Variants in PRR7 observed in about 807,000 individuals in gnomAD.
The protein encoded by PRR7 is proline-rich protein 7.
Under a neutral mutation model 18.5 loss-of-function variants are expected in PRR7, and 8 were observed. The ratio of observed to expected loss-of-function variants is 0.43; its 90% CI spans 0.25 to 0.78. The LOEUF is 0.78. Ranked by LOEUF, PRR7 falls within the 30% of genes least tolerant of loss-of-function variation. The pLI, the probability that PRR7 is intolerant of heterozygous loss-of-function variation, is 0.22. For missense variants in PRR7, 396 were observed against 403.1 expected (o/e 0.98, Z 0.15); for synonymous variants, 221 against 187.7 (o/e 1.18, Z -1.45).
chr5:177,454,297 G>C lies in PRR7; in HGVS notation c.-240+257G>C, dbSNP rs1465871111. 1.3e-5 allele frequency among the ~76,000 whole-genome samples: 2 copies of C among 152,220 alleles called. No individual in the cohort carries two copies. Among genetic ancestry groups the C allele is most frequent in the Non-Finnish European group, 2.9e-5 (2 of 68,028 alleles). Reference sequence around the variant, plus strand: ...TTACCAGTCGGAGCCACCCGCCTGAGCCCCCCTACGGGAGCGGCGGGAGAC... The same window carrying C: ...TTACCAGTCGGAGCCACCCGCCTGACCCCCCCTACGGGAGCGGCGGGAGAC... On this transcript the variant is annotated intron_variant, in intron 2 of 3. Coordinates refer to ENST00000323249, the MANE Select transcript of PRR7 (RefSeq NM_030567.5). This position sits in a 1 kb window ranked among gnomAD's most constrained non-coding sequence, Gnocchi z 4.7.
intron 1 of PRR7, among the ~76,000 whole-genome samples, chr5:177,448,842 A>G (rs1756042416): frequency 6.6e-6 from 1 of 152,142 alleles, no homozygotes; most frequent in Non-Finnish European, 1.5e-5. Context: ...CATGGGCTCC[A>G]TGGCCTGCTC....
At position 177,454,846 on chromosome 5, in the gene PRR7, G is replaced by A. The variant is rs1756329449; in HGVS notation, c.-222G>A. 2.5e-6 allele frequency: 1 copy of A among 402,370 alleles called. No homozygotes were observed. The highest frequency in any genetic ancestry group is 2.1e-5 in the African/African-American group (1 of 47,386). The allele number at this position is 402,370 out of a possible 1,614,324, so 24.9% of individuals were successfully genotyped here. A position where few individuals can be genotyped will look rare whatever the true frequency, so the allele number is the denominator to read the frequency against. ...CCCTACAGGTCCCGCGCGGCCCCGG[G>A]TGAGGCACGCCCGCGCGCCCGCCGG... On this transcript the variant is annotated 5_prime_UTR_variant, in exon 3 of 4. In the 5' UTR this introduces an upstream ATG that the reference lacks. Coordinates refer to ENST00000323249, the MANE Select transcript of PRR7 (RefSeq NM_030567.5). The surrounding 1 kb of genome is among the most constrained non-coding windows in gnomAD (Gnocchi z 4.7).
In PRR7 at chr5:177,455,809, G is replaced by A. The variant is rs1287470564; in HGVS notation, c.513G>A (p.Thr171=). 3 of 1,611,820 alleles carry A rather than the reference G, an allele frequency of 1.9e-6. No individual in the cohort carries two copies. Among genetic ancestry groups the A allele is most frequent in the African/African-American group, 2.7e-5 (2 of 74,882 alleles). ...CGCCGCCCTATAGCGAGGTGCTCAC[G>A]GACACGCGCGGCCTCTACCGCAAGA... ...EPPPPYSEVL[T]DTRGLYRKIV... Residue 171 remains threonine (T), a synonymous_variant, in exon 4 of 4, where the codon ACG becomes ACA. Coordinates refer to ENST00000323249, the MANE Select transcript of PRR7 (RefSeq NM_030567.5). The surrounding 1 kb of genome is among the most constrained non-coding windows in gnomAD (Gnocchi z 6.9).
chr5:177,446,405 C>A (rs1755879886), upstream of PRR7: 1 of 152,504 alleles, frequency 6.6e-6, no homozygotes, highest in Non-Finnish European at 1.5e-5. The surrounding 1 kb of genome is among the most constrained non-coding windows in gnomAD (Gnocchi z 5.3). Flanking sequence ...TGCTCGGGGG[C>A]CCCTGCCCAC....
In PRR7 at chr5:177,455,950, C is replaced by A. The variant is rs771342319; in HGVS notation, c.654C>A (p.Ser218Arg). The A allele has an allele frequency of 6.9e-6, 11 of 1,596,622 alleles. No individual in the cohort carries two copies. The highest frequency in any genetic ancestry group is 5.4e-5 in the African/African-American group (4 of 74,540). The change falls in exon 4 of 4, where the codon AGC becomes AGA. Residue 218 changes from serine (S) to arginine (R), a missense_variant. Coordinates refer to ENST00000323249, the MANE Select transcript of PRR7 (RefSeq NM_030567.5). The surrounding 1 kb of genome is among the most constrained non-coding windows in gnomAD (Gnocchi z 6.9). ...ACACCTCGGCGCTGCACCTGCCCAG[C>A]GCCCCTCGGCCCGCGCCGCCCTGCC... ...RGYTSALHLP[S>R]APRPAPPCPA...
chr5:177,453,481 G>A (rs960418896), intron 1 of PRR7, among the ~76,000 whole-genome samples: 1 of 152,242 alleles, frequency 6.6e-6, no homozygotes, highest in African/African-American at 2.4e-5. Flanking sequence ...GGACTGGCAA[G>A]GGCACCAAGT....
chr5:177,449,145 GT>G lies in PRR7; in HGVS notation c.-325+2190del, dbSNP rs754209438. On this transcript the variant is annotated intron_variant, in intron 1 of 3. Coordinates refer to ENST00000323249, the MANE Select transcript of PRR7 (RefSeq NM_030567.5). The surrounding 1 kb of genome is among the most constrained non-coding windows in gnomAD (Gnocchi z 4.2). ...TTAAATGTTGGCAATTAATCAGAAT[GT>G]TTTTAAAAATGGATTGTGAACATGG... 5.6e-4 allele frequency among the ~76,000 whole-genome samples: 86 copies of G among 152,334 alleles called. No homozygotes were observed. The highest frequency in any genetic ancestry group is 9.4e-4 in the Non-Finnish European group (64 of 68,018).
chr5:177,453,160 C>G (rs1756237286), intron 1 of PRR7, among the ~76,000 whole-genome samples: 1 of 152,226 alleles, frequency 6.6e-6, no homozygotes, highest in Non-Finnish European at 1.5e-5. Flanking sequence ...AGAGAGGATT[C>G]TGCGTGGTCC....
intron 1 of PRR7, 46 bp downstream of exon 1, chr5:177,447,006 C>G (rs2127385534): frequency 6.6e-6 from 1 of 152,062 alleles, no homozygotes; most frequent in South Asian, 2.1e-4. Context: ...GGAGCGCGGG[C>G]GGAAGATGGT....
Position 177,454,948 on chromosome 5 carries a change from C to A in PRR7, c.-120C>A. 1 of 1,293,124 alleles carries A rather than the reference C, an allele frequency of 7.7e-7. No individual in the cohort carries two copies. Among genetic ancestry groups the A allele is most frequent in the Non-Finnish European group, 9.8e-7 (1 of 1,016,784 alleles). 80.1% of individuals were successfully genotyped at this position (1,293,124 alleles called of 1,614,324 possible). On this transcript the variant is annotated 5_prime_UTR_variant, in exon 3 of 4. Coordinates refer to ENST00000323249, the MANE Select transcript of PRR7 (RefSeq NM_030567.5). The surrounding 1 kb of genome is among the most constrained non-coding windows in gnomAD (Gnocchi z 4.7). ...ACTTGAGACCTGCCACGGGCAGCCC[C>A]CGGCCGCGGGTCCCCGAGTGACGCT...
At chr5:177,453,441 T>A (rs1304181049) in intron 1 of PRR7, among the ~76,000 whole-genome samples, 2 of 152,186 alleles carry the variant, frequency 1.3e-5, no homozygotes, top group African/African-American at 4.8e-5. Flanking sequence ...CCTGCCATTG[T>A]CTGTTCTGGA....
At position 177,455,650 on chromosome 5, in the gene PRR7, GC is replaced by G. The variant is rs1756390137; in HGVS notation, c.428-70del. ...TCGGGCTAGGGCTGGGGCGCGGGCGGCCCCTGGCCGGGGCCTCTGCGAGAGG... is the reference window on the plus strand; with the variant it reads ...TCGGGCTAGGGCTGGGGCGCGGGCGGCCCTGGCCGGGGCCTCTGCGAGAGG... On this transcript the variant is annotated intron_variant, in intron 3 of 3. Transcript: ENST00000323249. The surrounding 1 kb of genome is among the most constrained non-coding windows in gnomAD (Gnocchi z 6.9). 1.5e-5 allele frequency: 21 copies of G among 1,431,918 alleles called. No homozygotes were observed. Among genetic ancestry groups the G allele is most frequent in the Non-Finnish European group, 1.8e-5 (20 of 1,089,300 alleles). 88.7% of individuals were successfully genotyped at this position (1,431,918 alleles called of 1,614,324 possible). A position where few individuals can be genotyped will look rare whatever the true frequency, so the allele number is the denominator to read the frequency against.
rs1013014651 is a variant in PRR7 at position 177,456,236 on chromosome 5, CGTTT to C, written c.*119_*122del. On this transcript the variant is annotated 3_prime_UTR_variant, in exon 4 of 4. Transcript: ENST00000323249. ...GGGGGGAGGGAGGGATTTCTTATCC[CGTTT>C]GTTACATTTTGAGGATAATAAAGGT... 2.5e-6 allele frequency: 3 copies of C among 1,211,768 alleles called. No individual in the cohort carries two copies. The highest frequency in any genetic ancestry group is 3.2e-5 in the African/African-American group (2 of 62,132). The allele number at this position is 1,211,768 out of a possible 1,614,324, so 75.1% of individuals were successfully genotyped here.
rs1756099933 is a variant in PRR7, at chr5:177,449,811, C to T, written c.-325+2851C>T. Among the ~76,000 whole-genome samples, 1 of 152,092 alleles carries T rather than the reference C, an allele frequency of 6.6e-6. No homozygotes were observed. Among genetic ancestry groups the T allele is most frequent in the Non-Finnish European group, 1.5e-5 (1 of 67,996 alleles). On this transcript the variant is annotated intron_variant, in intron 1 of 3. Transcript: ENST00000323249. This position sits in a 1 kb window ranked among gnomAD's most constrained non-coding sequence, Gnocchi z 4.2. ...GTGTCAGGGTTAGGTCATCTACCTG[C>T]AAGCAAGGGTGCTTGCCACTCAGTA... is the stretch of plus-strand genomic sequence containing the variant.
chr5:177,451,249 G>A (rs1055199494), intron 1 of PRR7, among the ~76,000 whole-genome samples: 14 of 152,238 alleles, frequency 9.2e-5, no homozygotes, highest in African/African-American at 1.2e-4. Context: ...CCCTGGCTCT[G>A]TGTGCCCTTG....
chr5:177,448,732 CCTT>C (rs1756036363), intron 1 of PRR7, among the ~76,000 whole-genome samples: 1 of 152,218 alleles, frequency 6.6e-6, no homozygotes, highest in Non-Finnish European at 1.5e-5. Context: ...TTTCTCCCTC[CCTT>C]CTTCACTTCC....
Position 177,455,931 on chromosome 5 carries a change from C to T in PRR7, c.635C>T (p.Ser212Leu). 6.2e-7 allele frequency: 1 copy of T among 1,603,688 alleles called. No individual in the cohort carries two copies. Among genetic ancestry groups the T allele is most frequent in the Non-Finnish European group, 8.5e-7 (1 of 1,177,540 alleles). The change falls in exon 4 of 4, where the codon TCG (serine) becomes TTG (leucine). Residue 212 changes from serine (S) to leucine (L), a missense_variant. Physicochemically the swap from Ser to Leu is moderately radical, Grantham distance 145. This residue lies in a region of PRR7 where 383 missense variants were observed against 372.6 expected (regional missense o/e 1.03). Transcript: ENST00000323249. The surrounding 1 kb of genome is among the most constrained non-coding windows in gnomAD (Gnocchi z 6.9). Reference sequence around the variant, plus strand: ...CTCTTCCTGGACCGGGGCTACACCTCGGCGCTGCACCTGCCCAGCGCCCCT... The same window carrying T: ...CTCTTCCTGGACCGGGGCTACACCTTGGCGCTGCACCTGCCCAGCGCCCCT... ...KPLFLDRGYT[S>L]ALHLPSAPRP...
At position 177,454,231 on chromosome 5, in the gene PRR7, G is replaced by A. The variant is rs1936487535; in HGVS notation, c.-240+191G>A. Among the ~76,000 whole-genome samples, 1 of 152,210 alleles carries A rather than the reference G, an allele frequency of 6.6e-6. No homozygotes were observed. Among genetic ancestry groups the A allele is most frequent in the Non-Finnish European group, 1.5e-5 (1 of 68,026 alleles). Reference sequence around the variant, plus strand: ...AGAGAGTGTGGCCCACGCCCGGCGCGGCGCGCTAGGCTCAGACAAAGGCAG... The same window carrying A: ...AGAGAGTGTGGCCCACGCCCGGCGCAGCGCGCTAGGCTCAGACAAAGGCAG... On this transcript the variant is annotated intron_variant, in intron 2 of 3. Transcript: ENST00000323249. This position sits in a 1 kb window ranked among gnomAD's most constrained non-coding sequence, Gnocchi z 4.7.
rs1423681203 is a variant in PRR7 at position 177,446,826 on chromosome 5, G to C, written c.-459G>C. On this transcript the variant is annotated 5_prime_UTR_variant, in exon 1 of 4. Transcript: ENST00000323249. The surrounding 1 kb of genome is among the most constrained non-coding windows in gnomAD (Gnocchi z 5.3). ...GCCCCGCGCCTCCAGCCCAGCGCTC[G>C]GAGCCGCTTTCGCTGCCACTGTCTG... 8 of 151,592 alleles carry C rather than the reference G, an allele frequency of 5.3e-5. No homozygotes were observed. Among genetic ancestry groups the C allele is most frequent in the Admixed American group, 3.9e-4 (6 of 15,192 alleles). The allele number at this position is 151,592 out of a possible 1,614,324, so 9.4% of individuals were successfully genotyped here.
Sources: gnomAD v4.1 joint callset for allele counts (sites outside exome capture counted in the v4.1 genomes callset) on GRCh38, gnomAD v4.1.1 for gene constraint, gnomAD v4.1.1 regional missense constraint, Gnocchi (gnomAD v3.1) non-coding constraint, MANE v1.5 for transcripts, NCBI Gene and HGNC (gene_info 2026-07-23, HGNC 2026-07-21) for gene names.